The following NLGN1 variants were observed in gnomAD, a reference collection of about 807,000 sequenced individuals.
The protein encoded by NLGN1 is neuroligin-1.
Under a neutral mutation model 65.5 loss-of-function variants are expected in NLGN1, and 12 were observed. The observed-to-expected ratio is 0.18, with a 90% confidence interval of 0.12 to 0.30. NLGN1 has a LOEUF of 0.30. Among genes scored for constraint, NLGN1 ranks in the 10% least tolerant of loss-of-function variants. NLGN1 has a pLI of 1.00. For synonymous variants in NLGN1, 350 were observed against 359.5 expected, an observed-to-expected ratio of 0.97 and a Z score of 0.30; for missense variants, 750 against 1,007.1, an observed-to-expected ratio of 0.74 and a Z score of 3.46.
At chr3:173,426,193 A>G (rs893257267) in intron 1 of NLGN1, among the ~76,000 whole-genome samples, 5 of 152,100 alleles carry the variant, frequency 3.3e-5, no homozygotes, top group African/African-American at 1.2e-4. Context: ...ATATTTTGCA[A>G]CTTCATTGAA....
At chr3:174,011,521 T>C (rs1194361070) in intron 4 of NLGN1, among the ~76,000 whole-genome samples, 2 of 152,180 alleles carry the variant, frequency 1.3e-5, no homozygotes, top group Non-Finnish European at 2.9e-5. Flanking sequence ...TTCTATTTAA[T>C]CATTATAGTT....
rs146183920 is a variant in NLGN1 at position 173,741,704 on chromosome 3, G to T, written c.494-65976G>T. The stretch of plus-strand genomic sequence containing the variant: ...GATGGGGTTTCACCATGTTGGCTAG[G>T]CTGATCTCGATCTCCTGACCTCAGG... On this transcript the variant is annotated intron_variant, in intron 3 of 6. Transcript: ENST00000457714. 2.5e-3 allele frequency among the ~76,000 whole-genome samples: 378 copies of T among 152,002 alleles called. 2 individuals carry two copies. The highest frequency in any genetic ancestry group is 8.8e-3 in the African/African-American group (366 of 41,474).
chr3:173,714,020 A>G (rs1314786076), intron 3 of NLGN1, among the ~76,000 whole-genome samples: 3 of 152,204 alleles, frequency 2.0e-5, no homozygotes, highest in Admixed American at 6.6e-5. Context: ...AGATTAAGAA[A>G]GAGGAAAAAT....
chr3:173,890,116 A>G (rs1003485856), intron 4 of NLGN1, among the ~76,000 whole-genome samples: 1 of 152,320 alleles, frequency 6.6e-6, no homozygotes, highest in East Asian at 1.9e-4. Flanking sequence ...AGCAATGAAT[A>G]GAAATCTGAA....
chr3:173,906,504 C>T (rs1738418541), intron 4 of NLGN1, among the ~76,000 whole-genome samples: 1 of 152,102 alleles, frequency 6.6e-6, no homozygotes, highest in South Asian at 2.1e-4. Context: ...TCCAGAGTAG[C>T]ACTGTGCTGC....
chr3:173,903,934 C>G (rs1349755758), intron 4 of NLGN1, among the ~76,000 whole-genome samples: 1 of 152,054 alleles, frequency 6.6e-6, no homozygotes, highest in East Asian at 1.9e-4. Flanking sequence ...TTCCCCAGCA[C>G]AGACTCAGAA....
rs1200703429 is a variant in NLGN1, at chr3:174,116,324, GGTTTTCT to G, written c.647-158990_647-158984del. On this transcript the variant is annotated intron_variant, in intron 4 of 6. Coordinates refer to ENST00000457714, the Ensembl canonical transcript of NLGN1. ...ATTGTGACATGTAAGTTTTTTTCTG[GGTTTTCT>G]TTTTTTTTTTTTTTTTTTTTTTTTT... Among the ~76,000 whole-genome samples the G allele has an allele frequency of 8.7e-4, 89 of 102,822 alleles. 6 individuals carry two copies. Among genetic ancestry groups the G allele is most frequent in the Admixed American group, 2.1e-3 (22 of 10,668 alleles). 67.5% of individuals were successfully genotyped at this position (102,822 alleles called of 152,430 possible). A position where few individuals can be genotyped will look rare whatever the true frequency, so the allele number is the denominator to read the frequency against.
chr3:173,907,968 C>T (rs560805395), intron 4 of NLGN1, among the ~76,000 whole-genome samples: 2 of 152,340 alleles, frequency 1.3e-5, no homozygotes, highest in African/African-American at 4.8e-5. Flanking sequence ...GATCCACATG[C>T]CTCGGCCTCC....
intron 4 of NLGN1, among the ~76,000 whole-genome samples, chr3:174,200,285 A>T (rs994363470): frequency 6.6e-6 from 1 of 152,238 alleles, no homozygotes; most frequent in African/African-American, 2.4e-5. Flanking sequence ...ATAATTAATA[A>T]TTATAAATAA....
chr3:174,193,875 A>G (rs949413217), intron 4 of NLGN1, among the ~76,000 whole-genome samples: 1 of 152,144 alleles, frequency 6.6e-6, no homozygotes, highest in African/African-American at 2.4e-5. Context: ...CTTCTCTGAC[A>G]TTTGTAAAAC....
At chr3:173,960,576 G>T (rs1380868892) in intron 4 of NLGN1, among the ~76,000 whole-genome samples, 2 of 151,766 alleles carry the variant, frequency 1.3e-5, no homozygotes, top group Non-Finnish European at 2.9e-5. Context: ...ATTTATTCGG[G>T]TTATTTGGTG....
rs549912778 is a variant in NLGN1, at chr3:173,919,858, A to G, written c.646+112026A>G. Among the ~76,000 whole-genome samples, 7 of 152,226 alleles carry G rather than the reference A, an allele frequency of 4.6e-5. No individual in the cohort carries two copies. In the East Asian group the frequency reaches 1.3e-3, roughly 29 times the overall value. On this transcript the variant is annotated intron_variant, in intron 4 of 6. Transcript: ENST00000457714. The stretch of plus-strand genomic sequence containing the variant: ...GAAGACTCATTTTTCTTTCTTAATA[A>G]ATAATAGACATTTTTCTAAAAGTTT...
intron 3 of NLGN1, among the ~76,000 whole-genome samples, chr3:173,683,648 T>C (rs956471545): frequency 6.6e-6 from 1 of 152,220 alleles, no homozygotes; most frequent in Non-Finnish European, 1.5e-5. Flanking sequence ...GAAAATTATT[T>C]ATTCTTACTT....
intron 4 of NLGN1, among the ~76,000 whole-genome samples, chr3:174,256,430 A>G (rs760368391): frequency 6.6e-6 from 1 of 152,192 alleles, no homozygotes; most frequent in African/African-American, 2.4e-5. Flanking sequence ...CATAATCTAC[A>G]TAACTCATAT....
At chr3:174,195,473 G>A (rs1446396531) in intron 4 of NLGN1, among the ~76,000 whole-genome samples, 1 of 152,108 alleles carries the variant, frequency 6.6e-6, no homozygotes, top group African/African-American at 2.4e-5. Flanking sequence ...TGAAAAAACA[G>A]ACTAATAAAC....
At chr3:174,197,160 C>G (rs756891429) in intron 4 of NLGN1, among the ~76,000 whole-genome samples, 4 of 152,014 alleles carry the variant, frequency 2.6e-5, no homozygotes, top group Non-Finnish European at 4.4e-5. Context: ...TTTTTAACAA[C>G]TAGAACATAG....
intron 4 of NLGN1, 21 bp downstream of exon 4, chr3:173,807,853 G>A: frequency 6.2e-7 from 1 of 1,607,654 alleles, no homozygotes; most frequent in Non-Finnish European, 8.5e-7. Flanking sequence ...TCTCTCTTTT[G>A]TTTTCACCAT....
At chr3:173,600,345 G>T (rs892375752) in intron 2 of NLGN1, among the ~76,000 whole-genome samples, 1 of 151,938 alleles carries the variant, frequency 6.6e-6, no homozygotes, top group Admixed American at 6.6e-5. Context: ...TTGGTTAAGA[G>T]TCACCATCAA....
chr3:173,785,368 T>G (rs1013466709), intron 3 of NLGN1, among the ~76,000 whole-genome samples: 2 of 152,180 alleles, frequency 1.3e-5, no homozygotes, highest in African/African-American at 4.8e-5. Context: ...TACAATACAT[T>G]CCTTAATTTT....
Sources: gnomAD v4.1 joint callset for allele counts (sites outside exome capture counted in the v4.1 genomes callset) on GRCh38, gnomAD v4.1.1 for gene constraint, MANE v1.5 for transcripts, NCBI Gene and HGNC (gene_info 2026-07-23, HGNC 2026-07-21) for gene names.